CHCHD6: variants seen among roughly 807,000 people sequenced by gnomAD.
CHCHD6 encodes the protein coiled-coil-helix-coiled-coil-helix domain containing 6.
Under a neutral mutation model 32.3 loss-of-function variants are expected in CHCHD6, and 28 were observed. The ratio of observed to expected loss-of-function variants is 0.87; its 90% CI spans 0.64 to 1.19. The LOEUF (loss-of-function observed/expected upper bound fraction) is 1.19, where lower values mean the gene tolerates loss of function less well. Among genes scored for constraint, CHCHD6 ranks in the 50% most tolerant of loss-of-function variants. The pLI, the probability that CHCHD6 is intolerant of heterozygous loss-of-function variation, is 0.00. For missense variants in CHCHD6, 333 were observed against 307.0 expected, an observed-to-expected ratio of 1.08 and a Z score of -0.63; for synonymous variants, 122 against 117.5, an observed-to-expected ratio of 1.04 and a Z score of -0.25.
intron 6 of CHCHD6, among the ~76,000 whole-genome samples, chr3:126,922,800 G>A (rs2107594790): frequency 6.6e-6 from 1 of 152,332 alleles, no homozygotes; most frequent in African/African-American, 2.4e-5. Flanking sequence ...AGTGCTTACA[G>A]AGTTCTGTCA....
At chr3:126,840,284 G>A (rs751729487) in intron 4 of CHCHD6, among the ~76,000 whole-genome samples, 10 of 152,052 alleles carry the variant, frequency 6.6e-5, no homozygotes, top group Non-Finnish European at 1.2e-4. Flanking sequence ...TCTTTTAGGG[G>A]TGACGAAAAT....
At chr3:126,841,730 C>A (rs889404667) in intron 4 of CHCHD6, among the ~76,000 whole-genome samples, 4 of 151,068 alleles carry the variant, frequency 2.6e-5, no homozygotes, top group Non-Finnish European at 2.9e-5. Context: ...CATAGGGAGA[C>A]CCCGTCTTTC....
At chr3:126,842,810 C>CTTTT (rs63135461) in intron 4 of CHCHD6, among the ~76,000 whole-genome samples, 37 of 94,574 alleles carry the variant, frequency 3.9e-4, no homozygotes, top group South Asian at 1.1e-3. Context: ...CACTGAAATT[C>CTTTT]TTTTTTTTTT....
intron 5 of CHCHD6, among the ~76,000 whole-genome samples, chr3:126,885,263 G>A (rs771976102): frequency 6.6e-6 from 1 of 152,206 alleles, no homozygotes; most frequent in Non-Finnish European, 1.5e-5. Flanking sequence ...GTCAGGGTTT[G>A]GAGGATCTAC....
At chr3:126,732,102 GA>G (rs1351414102) in intron 3 of CHCHD6, among the ~76,000 whole-genome samples, 4 of 146,630 alleles carry the variant, frequency 2.7e-5, no homozygotes, top group African/African-American at 1.0e-4. Context: ...AAAAAAAGAG[GA>G]AAAAAAGCCA....
At chr3:126,737,211 T>C (rs1936082001) in intron 4 of CHCHD6, among the ~76,000 whole-genome samples, 2 of 151,902 alleles carry the variant, frequency 1.3e-5, no homozygotes, top group Non-Finnish European at 2.9e-5. Flanking sequence ...TCCCAGCTAC[T>C]TGGGAGGCTG....
At chr3:126,937,949 G>C (rs546724285) in intron 6 of CHCHD6, among the ~76,000 whole-genome samples, 1 of 152,288 alleles carries the variant, frequency 6.6e-6, no homozygotes, top group South Asian at 2.1e-4. Flanking sequence ...AATCCTGAGG[G>C]ATGCCTTTTC....
intron 4 of CHCHD6, among the ~76,000 whole-genome samples, chr3:126,821,083 G>T (rs1414672801): frequency 1.3e-5 from 2 of 152,130 alleles, no homozygotes; most frequent in Non-Finnish European, 2.9e-5. Context: ...TACAATATGT[G>T]GCCTTTGTGG....
At chr3:126,790,740 GT>G (rs1273721221) in intron 4 of CHCHD6, among the ~76,000 whole-genome samples, 1 of 151,984 alleles carries the variant, frequency 6.6e-6, no homozygotes, top group Admixed American at 6.6e-5. Context: ...TTTTTTCAAG[GT>G]TTTTAACTTC....
chr3:126,723,074 G>A (rs1414198333), intron 1 of CHCHD6, among the ~76,000 whole-genome samples: 1 of 152,164 alleles, frequency 6.6e-6, no homozygotes, highest in Non-Finnish European at 1.5e-5. Flanking sequence ...TTTCCCCACT[G>A]AACCATCTTG....
intron 4 of CHCHD6, among the ~76,000 whole-genome samples, chr3:126,776,645 T>C (rs1937661777): frequency 6.6e-6 from 1 of 152,226 alleles, no homozygotes; most frequent in Non-Finnish European, 1.5e-5. Flanking sequence ...ACAGCAATCA[T>C]ATTTACTTTA....
At chr3:126,754,247 C>T (rs191699283) in intron 4 of CHCHD6, among the ~76,000 whole-genome samples, 2 of 152,162 alleles carry the variant, frequency 1.3e-5, no homozygotes, top group African/African-American at 2.4e-5. Flanking sequence ...TTTCCCCATC[C>T]GTAATACAGG....
At chr3:126,802,390 C>T (rs1189587548) in intron 4 of CHCHD6, among the ~76,000 whole-genome samples, 4 of 152,146 alleles carry the variant, frequency 2.6e-5, no homozygotes, top group African/African-American at 9.7e-5. Context: ...GAGCTGAAAG[C>T]CAATGCTTGA....
At chr3:126,729,801 G>A (rs1935703057) in intron 2 of CHCHD6, among the ~76,000 whole-genome samples, 1 of 152,176 alleles carries the variant, frequency 6.6e-6, no homozygotes, top group East Asian at 1.9e-4. Context: ...TGTGGTTCTG[G>A]CTGCTGGTGC....
intron 1 of CHCHD6, among the ~76,000 whole-genome samples, chr3:126,717,996 G>A (rs114419192): frequency 0.021 from 3,254 of 152,292 alleles, 138 homozygotes; most frequent in Admixed American, 0.11. Context: ...AGTGTGCCAG[G>A]GTAGCGGCAG....
chr3:126,735,649 G>A lies in CHCHD6; in HGVS notation c.411+2427G>A, dbSNP rs1280557883. ...CCTTCAGTTTTGAGTGAGTATAGAG[G>A]AATGGCAGGAGGCCAGGATGGGAGT... On this transcript the variant is annotated intron_variant, in intron 4 of 7. Transcript: ENST00000290913. Among the ~76,000 whole-genome samples, 2 of 152,160 alleles carry A rather than the reference G, an allele frequency of 1.3e-5. 1 individual carries two copies. The highest frequency in any genetic ancestry group is 6.3e-3 in the Middle Eastern group (2 of 316).
intron 6 of CHCHD6, among the ~76,000 whole-genome samples, chr3:126,940,571 A>C (rs1280573067): frequency 1.3e-5 from 2 of 152,142 alleles, no homozygotes; most frequent in Non-Finnish European, 2.9e-5. Flanking sequence ...TTCTGGGTCA[A>C]AGGATACACA....
intron 5 of CHCHD6, among the ~76,000 whole-genome samples, chr3:126,893,477 A>G (rs1477858859): frequency 6.6e-6 from 1 of 152,254 alleles, no homozygotes; most frequent in Non-Finnish European, 1.5e-5. Flanking sequence ...AGGTCAAGAC[A>G]GACATTGAGC....
At chr3:126,751,149 T>A (rs1027658324) in intron 4 of CHCHD6, among the ~76,000 whole-genome samples, 3 of 151,900 alleles carry the variant, frequency 2.0e-5, no homozygotes, top group African/African-American at 4.8e-5. Flanking sequence ...GACTGTTATT[T>A]TTTTTTTTTC....
Sources: allele counts gnomAD v4.1 joint callset (sites outside exome capture counted in the v4.1 genomes callset), GRCh38; gene constraint gnomAD v4.1.1; transcripts MANE v1.5; gene names NCBI Gene and HGNC (gene_info 2026-07-23, HGNC 2026-07-21).